FSTL5: variants seen among roughly 807,000 people sequenced by gnomAD.
The protein encoded by FSTL5 is follistatin like 5, also known as follistatin-related protein 5.
FSTL5 carries 62 observed loss-of-function variants against 89.1 expected under a neutral mutation model. That is an observed-to-expected ratio of 0.70 (90% CI 0.57 to 0.86). FSTL5 has a LOEUF of 0.86. Ranked by LOEUF, FSTL5 falls within the 40% of genes least tolerant of loss-of-function variation. The pLI, the probability that FSTL5 is intolerant of heterozygous loss-of-function variation, is 0.00. For missense variants in FSTL5, 1,057 were observed against 1,001.6 expected (o/e 1.06, Z -0.75); for synonymous variants, 383 against 346.2 (o/e 1.11, Z -1.18).
At chr4:161,704,607 A>C (rs1738508733) in intron 6 of FSTL5, among the ~76,000 whole-genome samples, 1 of 152,022 alleles carries the variant, frequency 6.6e-6, no homozygotes, top group African/African-American at 2.4e-5. Context: ...CTGGTAAAGA[A>C]TTTTTCGTAA....
chr4:161,895,538 G>A (rs754665213), intron 4 of FSTL5, among the ~76,000 whole-genome samples: 4 of 152,072 alleles, frequency 2.6e-5, no homozygotes, highest in Non-Finnish European at 5.9e-5. Context: ...TTTGGAGTTA[G>A]GTTCAGAATT....
At chr4:162,147,580 A>T (rs1733052007) in intron 1 of FSTL5, among the ~76,000 whole-genome samples, 1 of 152,144 alleles carries the variant, frequency 6.6e-6, no homozygotes, top group Non-Finnish European at 1.5e-5. Context: ...CATACAGGTC[A>T]CATTTTTGTG....
At chr4:161,700,017 A>C (rs562490956) in intron 6 of FSTL5, among the ~76,000 whole-genome samples, 2 of 152,306 alleles carry the variant, frequency 1.3e-5, no homozygotes, top group Admixed American at 1.3e-4. Flanking sequence ...CAGAGTCATT[A>C]TCTTTATGGC....
intron 2 of FSTL5, among the ~76,000 whole-genome samples, chr4:162,082,363 G>A (rs1730134637): frequency 6.6e-6 from 1 of 151,642 alleles, no homozygotes; most frequent in Non-Finnish European, 1.5e-5. Flanking sequence ...GTTCACGTAT[G>A]TTATTGTTTA....
At chr4:162,140,100 T>C (rs1732667805) in intron 1 of FSTL5, among the ~76,000 whole-genome samples, 2 of 152,144 alleles carry the variant, frequency 1.3e-5, no homozygotes, top group Non-Finnish European at 2.9e-5. Context: ...CTCTAACCAG[T>C]TGGCATTTTT....
At chr4:162,041,785 A>G (rs1578977914) in intron 2 of FSTL5, 1 of 152,134 alleles carries the variant, frequency 6.6e-6, no homozygotes. Flanking sequence ...AGAATTTACC[A>G]CCAGAATTTT....
intron 6 of FSTL5, among the ~76,000 whole-genome samples, chr4:161,663,747 G>A (rs1736793912): frequency 6.6e-6 from 1 of 152,216 alleles, no homozygotes; most frequent in African/African-American, 2.4e-5. Context: ...GAGACTCTGT[G>A]TGGGGGCTCC....
At chr4:162,015,817 G>A (rs1485821832) in intron 3 of FSTL5, among the ~76,000 whole-genome samples, 1 of 152,118 alleles carries the variant, frequency 6.6e-6, no homozygotes, top group Non-Finnish European at 1.5e-5. Context: ...TAGCATGTCA[G>A]CTTTTCCAAA....
intron 7 of FSTL5, among the ~76,000 whole-genome samples, chr4:161,636,499 A>G (rs1202632941): frequency 7.5e-6 from 1 of 133,064 alleles, no homozygotes; most frequent in Non-Finnish European, 1.5e-5. Flanking sequence ...TTTAGGGTAC[A>G]TGTGCACATT....
At chr4:161,779,821 A>ATATATATATATATATATATATATG (rs1741591267) in intron 4 of FSTL5, among the ~76,000 whole-genome samples, 14 of 63,348 alleles carry the variant, frequency 2.2e-4, no homozygotes, top group East Asian at 5.3e-4. Context: ...GTATATATAT[A>ATATATATATATATATATATATATG]TATATATATA....
rs2111345207 is a variant in FSTL5, at chr4:162,086,131, C to T, written c.126+25140G>A. ...TAATATATTTAATGTGTTTTTTAAT[C>T]AGCCATTATCAGAATGCATTCTTGA... On this transcript the variant is annotated intron_variant, in intron 2 of 15. Transcript: ENST00000306100. Among the ~76,000 whole-genome samples, 3 of 152,024 alleles carry T rather than the reference C, an allele frequency of 2.0e-5. 1 individual carries two copies. In the Middle Eastern group the frequency reaches 0.01, roughly 517 times the overall value.
At chr4:161,593,615 T>C (rs1733908658) in intron 7 of FSTL5, among the ~76,000 whole-genome samples, 1 of 151,954 alleles carries the variant, frequency 6.6e-6, no homozygotes, top group Non-Finnish European at 1.5e-5. Context: ...AGGGGAATCA[T>C]ACTGTACACT....
intron 4 of FSTL5, among the ~76,000 whole-genome samples, chr4:161,864,655 A>G (rs1175269991): frequency 6.6e-6 from 1 of 152,078 alleles, no homozygotes; most frequent in Non-Finnish European, 1.5e-5. Flanking sequence ...ACAGATCAGG[A>G]GGTCAAGAGA....
intron 1 of FSTL5, among the ~76,000 whole-genome samples, chr4:162,123,569 C>A (rs959040739): frequency 6.6e-6 from 1 of 151,726 alleles, no homozygotes; most frequent in African/African-American, 2.4e-5. Context: ...TGTAGATGAA[C>A]GTTTGCTCAC....
chr4:161,877,786 A>C (rs1401730713), intron 4 of FSTL5, among the ~76,000 whole-genome samples: 1 of 151,822 alleles, frequency 6.6e-6, no homozygotes, highest in Non-Finnish European at 1.5e-5. Context: ...AGATCGCGCC[A>C]CTGCACTCCA....
chr4:161,742,816 T>C (rs995809068), intron 6 of FSTL5, among the ~76,000 whole-genome samples: 1 of 151,960 alleles, frequency 6.6e-6, no homozygotes, highest in Non-Finnish European at 1.5e-5. Flanking sequence ...ATAGAAAAAA[T>C]AACAATAAAA....
chr4:162,005,585 A>G (rs1005373490), intron 3 of FSTL5, among the ~76,000 whole-genome samples: 1 of 152,098 alleles, frequency 6.6e-6, no homozygotes, highest in African/African-American at 2.4e-5. Flanking sequence ...CCACTGAAAG[A>G]GATCAAGGGG....
At chr4:161,501,545 T>C (rs531700293) in intron 11 of FSTL5, among the ~76,000 whole-genome samples, 25 of 152,012 alleles carry the variant, frequency 1.6e-4, no homozygotes, top group Non-Finnish European at 2.8e-4. Flanking sequence ...ATAATACATA[T>C]ACACTTTAAA....
intron 1 of FSTL5, among the ~76,000 whole-genome samples, chr4:162,136,337 G>A (rs890755481): frequency 2.0e-5 from 3 of 151,956 alleles, no homozygotes; most frequent in African/African-American, 7.2e-5. Context: ...GAAAAGGAGA[G>A]GAATTGAAGA....
Sources: gnomAD v4.1 joint callset for allele counts (sites outside exome capture counted in the v4.1 genomes callset) on GRCh38, gnomAD v4.1.1 for gene constraint, MANE v1.5 for transcripts, NCBI Gene and HGNC (gene_info 2026-07-23, HGNC 2026-07-21) for gene names.